Variants in FADS3 observed in about 807,000 individuals in gnomAD.
FADS3 encodes the protein fatty acid desaturase 3, also known as cytochrome b5-related protein.
In FADS3, 30 loss-of-function variants were observed where a neutral mutation model predicts 60.4. The ratio of observed to expected loss-of-function variants is 0.50; its 90% CI spans 0.37 to 0.67. The LOEUF (loss-of-function observed/expected upper bound fraction) is 0.67. Ranked by LOEUF, FADS3 falls within the 30% of genes least tolerant of loss-of-function variation. The pLI, the probability that FADS3 is intolerant of heterozygous loss-of-function variation, is 0.00. For synonymous variants in FADS3, 234 were observed against 249.3 expected (o/e 0.94, Z 0.58); for missense variants, 432 against 598.3 (o/e 0.72, Z 2.90).
At position 61,876,279 on chromosome 11, in the gene FADS3, G is replaced by A. The variant is rs1288179780; in HGVS notation, c.1080+80C>T. ...TCCCCCACCTGGCAGCCCCGTCAGG[G>A]CCTCATCCCTGCTTTGCCATCTGGC... On this transcript the variant is annotated intron_variant, in intron 9 of 11. Coordinates refer to ENST00000278829, the MANE Select transcript of FADS3 (RefSeq NM_021727.5). The surrounding 1 kb of genome is among the most constrained non-coding windows in gnomAD (Gnocchi z 5.7). The A allele has an allele frequency of 7.6e-6, 12 of 1,581,796 alleles. No individual in the cohort carries two copies. The highest frequency in any genetic ancestry group is 8.6e-6 in the Non-Finnish European group (10 of 1,159,522).
At position 61,878,377 on chromosome 11, in the gene FADS3, C is replaced by A. The variant is rs188983760; in HGVS notation, c.747+135G>T. The A allele has an allele frequency of 3.3e-3, 4,725 of 1,415,400 alleles. 12 individuals are homozygous for A. The highest frequency in any genetic ancestry group is 4.2e-3 in the Non-Finnish European group (4,323 of 1,022,342). 87.7% of individuals were successfully genotyped at this position (1,415,400 alleles called of 1,614,324 possible). A position where few individuals can be genotyped will look rare whatever the true frequency, so the allele number is the denominator to read the frequency against. On this transcript the variant is annotated intron_variant, in intron 5 of 11. Coordinates refer to ENST00000278829, the MANE Select transcript of FADS3 (RefSeq NM_021727.5). The stretch of plus-strand genomic sequence containing the variant: ...GGTTGGGAGGTGGGAAGGAAAGACA[C>A]GGGGGCAGAGCTTGGCCCAGCCAGA...
chr11:61,875,391 T>G (rs796592712), intron 11 of FADS3, among the ~76,000 whole-genome samples: 18,128 of 141,380 alleles, frequency 0.13, 2,186 homozygotes, highest in East Asian at 0.32. Context: ...TTTTTTTTTT[T>G]TTTTTTTTTT....
chr11:61,873,970 C>A, intron 11 of FADS3, 105 bp from the exon 12 acceptor site: 1 of 713,252 alleles, frequency 1.4e-6, no homozygotes, highest in Non-Finnish European at 2.4e-6. Flanking sequence ...TCCCCATTCC[C>A]TGTGGGTTCC....
intron 1 of FADS3, among the ~76,000 whole-genome samples, chr11:61,883,729 C>T (rs1938215661): frequency 6.6e-6 from 1 of 152,228 alleles, no homozygotes; most frequent in Non-Finnish European, 1.5e-5. Context: ...CCAGATTGGT[C>T]TCCTCGCCTC....
chr11:61,877,390 G>A lies in FADS3; in HGVS notation c.885+121C>T. ...GCCACACTGTTGCACGCATACATGT[G>A]AGCCACACTGTTGCACGCACATGTG... On this transcript the variant is annotated intron_variant, in intron 7 of 11. Transcript: ENST00000278829. This position sits in a 1 kb window ranked among gnomAD's most constrained non-coding sequence, Gnocchi z 4.7. 1 of 892,938 alleles carries A rather than the reference G, an allele frequency of 1.1e-6. No individual in the cohort carries two copies. 55.3% of individuals were successfully genotyped at this position (892,938 alleles called of 1,614,324 possible).
Position 61,877,008 on chromosome 11 carries a change from C to T in FADS3, c.886-45G>A, listed in dbSNP as rs974425416. The T allele has an allele frequency of 4.2e-6, 6 of 1,437,934 alleles. No individual in the cohort carries two copies. Among genetic ancestry groups the T allele is most frequent in the African/African-American group, 2.8e-5 (2 of 70,586 alleles). 89.1% of individuals were successfully genotyped at this position (1,437,934 alleles called of 1,614,324 possible). ...CGATACCGAGAGGTCTCCAGGTGCC[C>T]GGAGGTCTGGAGGCCTGGTGGGTGG... On this transcript the variant is annotated intron_variant, in intron 7 of 11. Coordinates refer to ENST00000278829, the MANE Select transcript of FADS3 (RefSeq NM_021727.5). This position sits in a 1 kb window ranked among gnomAD's most constrained non-coding sequence, Gnocchi z 4.7.
chr11:61,891,223 C>A lies in FADS3; in HGVS notation c.159G>T (p.Gln53His). Residue 53 changes from glutamine (Q) to histidine (H), a missense_variant, in exon 1 of 12, where the codon CAG (glutamine) becomes CAT (histidine). Coordinates refer to ENST00000278829, the MANE Select transcript of FADS3 (RefSeq NM_021727.5). The stretch of plus-strand genomic sequence containing the variant: ...TGAGGCGGCTGCCCCCTGGGTGCCG[C>A]TGTGCCCAGCGGCTGATGTCGTAGA... Reference protein sequence around the residue: ...RRVYDISRWAQRHPGGSRLIG... With the variant: ...RRVYDISRWAHRHPGGSRLIG... The A allele has an allele frequency of 1.3e-6, 2 of 1,554,194 alleles. No homozygotes were observed. The highest frequency in any genetic ancestry group is 1.7e-6 in the Non-Finnish European group (2 of 1,150,542).
At chr11:61,878,023 A>G (rs1591192439) in intron 6 of FADS3, 132 bp downstream of exon 6, 11 of 781,126 alleles carry the variant, frequency 1.4e-5, no homozygotes, top group Non-Finnish European at 2.2e-6. Flanking sequence ...AGAGGCTGGG[A>G]GGATGCCATG....
At chr11:61,878,344 C>T in intron 5 of FADS3, 129 bp from the exon 6 acceptor site, 1 of 1,360,972 alleles carries the variant, frequency 7.3e-7, no homozygotes, top group Admixed American at 1.8e-5. Context: ...GGCTGGTCGT[C>T]CCCAGCAGGT....
intron 1 of FADS3, among the ~76,000 whole-genome samples, chr11:61,887,748 TC>T (rs1219788280): frequency 6.6e-6 from 1 of 152,194 alleles, no homozygotes; most frequent in African/African-American, 2.4e-5. Flanking sequence ...GAGAAGATGC[TC>T]ACTGATGGAT....
chr11:61,891,278 C>G lies in FADS3; in HGVS notation c.104G>C (p.Gly35Ala). ...WEQIRAHDQPGDKWLVIERRV... is the reference protein window; with the variant it reads ...WEQIRAHDQPADKWLVIERRV... ...GCGCTCGATGACCAGCCACTTGTCG[C>G]CGGGCTGGTCGTGCGCGCGGATCTG... Residue 35 changes from glycine to alanine, a missense_variant, in exon 1 of 12, where the codon GGC becomes GCC. Gly to Ala is a moderately conservative substitution (Grantham distance 60, BLOSUM62 0). Around this residue, in one of 5 missense-constraint regions of FADS3, gnomAD observed 167 missense variants for 188.8 expected, o/e 0.88. Transcript: ENST00000278829. The G allele has an allele frequency of 2.0e-6, 3 of 1,537,776 alleles. No individual in the cohort carries two copies. The Admixed American group carries it at 5.9e-5, about 30-fold the overall frequency.
In FADS3 at chr11:61,879,516, T is replaced by C. The variant is rs754864137; in HGVS notation, c.325-7A>G. ...AGTCCTCGACCAGCTGCGCCTGCCA[T>C]AGCAGAGGGGCCGATCAGCCAAGGA... On this transcript the variant is annotated splice_region_variant and splice_polypyrimidine_tract_variant and intron_variant, in intron 2 of 11. Coordinates refer to ENST00000278829, the MANE Select transcript of FADS3 (RefSeq NM_021727.5). 6 of 1,589,064 alleles carry C rather than the reference T, an allele frequency of 3.8e-6. No individual in the cohort carries two copies. The highest frequency in any genetic ancestry group is 4.3e-6 in the Non-Finnish European group (5 of 1,169,468).
chr11:61,878,850 G>A lies in FADS3; in HGVS notation c.523-3C>T. The A allele has an allele frequency of 3.7e-6, 6 of 1,613,480 alleles. No homozygotes were observed. The highest frequency in any genetic ancestry group is 5.1e-6 in the Non-Finnish European group (6 of 1,179,562). ...TGCTGCAGACACCAGGACTGAGCCT[G>A]GGGAGAGAGGCAGGGTCAGAAGCTG... On this transcript the variant is annotated splice_region_variant and splice_polypyrimidine_tract_variant and intron_variant, in intron 3 of 11. Transcript: ENST00000278829.
chr11:61,875,713 G>T, intron 11 of FADS3, 138 bp downstream of exon 11: 1 of 1,036,570 alleles, frequency 9.6e-7, no homozygotes, highest in East Asian at 2.5e-5. Context: ...CGTGAAGGCT[G>T]GGGAAGGGAG....
Position 61,891,291 on chromosome 11 carries a change from G to C in FADS3, c.91C>G (p.His31Asp), listed in dbSNP as rs1387826431. The C allele has an allele frequency of 6.5e-7, 1 of 1,535,690 alleles. No homozygotes were observed. Among genetic ancestry groups the C allele is most frequent in the African/African-American group, 1.4e-5 (1 of 72,934 alleles). ...AGCCACTTGTCGCCGGGCTGGTCGTGCGCGCGGATCTGCTCCCAGCAGAAG... is the reference window on the plus strand; with the variant it reads ...AGCCACTTGTCGCCGGGCTGGTCGTCCGCGCGGATCTGCTCCCAGCAGAAG... The part of the protein sequence containing the change: ...PTFCWEQIRA[H>D]DQPGDKWLVI... Residue 31 changes from histidine (H) to aspartate (D), a missense_variant, in exon 1 of 12, where the codon CAC (histidine) becomes GAC (aspartate). By Grantham distance (81) the His-to-Asp change is moderately conservative. Transcript: ENST00000278829.
In FADS3 at chr11:61,891,325, C is replaced by T. The variant is rs779152608; in HGVS notation, c.57G>A (p.Pro19=). ...TCTGCTCCCAGCAGAAGGTGGGCAGCGGCGCCCCCGGCTGCGCGGGTCCCT... is the reference window on the plus strand; with the variant it reads ...TCTGCTCCCAGCAGAAGGTGGGCAGTGGCGCCCCCGGCTGCGCGGGTCCCT... ...PREGPAQPGA[P]LPTFCWEQIR... is the part of the protein sequence containing the mutation. The change falls in exon 1 of 12, where the codon CCG becomes CCA. Residue 19 remains proline, a synonymous_variant. Transcript: ENST00000278829. 6.6e-7 allele frequency: 1 copy of T among 1,520,064 alleles called. No homozygotes were observed. The highest frequency in any genetic ancestry group is 8.8e-7 in the Non-Finnish European group (1 of 1,137,760). The allele number at this position is 1,520,064 out of a possible 1,614,324, so 94.2% of individuals were successfully genotyped here. A position where few individuals can be genotyped will look rare whatever the true frequency, so the allele number is the denominator to read the frequency against.
At position 61,878,795 on chromosome 11, in the gene FADS3, T is replaced by C. The variant is rs1938014940; in HGVS notation, c.575A>G (p.Lys192Arg). ...HDLGHASIFK[K>R]SWWNHVAQKF... Reference sequence around the variant, plus strand: ...CTGGGCCACGTGGTTCCACCAGGACTTCTTGAAGATGGAGGCATGGCCCAG... The same window carrying C: ...CTGGGCCACGTGGTTCCACCAGGACCTCTTGAAGATGGAGGCATGGCCCAG... The change falls in exon 4 of 12, where the codon AAG (lysine) becomes AGG (arginine). Residue 192 changes from lysine (K) to arginine (R), a missense_variant. Lys to Arg is a conservative substitution (Grantham distance 26). Transcript: ENST00000278829. 1 of 1,614,074 alleles carries C rather than the reference T, an allele frequency of 6.2e-7. No individual in the cohort carries two copies. The highest frequency in any genetic ancestry group is 8.5e-7 in the Non-Finnish European group (1 of 1,180,034).
At chr11:61,874,785 C>T (rs897406951) in intron 11 of FADS3, among the ~76,000 whole-genome samples, 15 of 152,312 alleles carry the variant, frequency 9.8e-5, no homozygotes, top group South Asian at 8.3e-4. Flanking sequence ...ACCCTACCAC[C>T]TATTTAGAAA....
rs573745644 is a variant in FADS3, at chr11:61,877,291, C to G, written c.885+220G>C. On this transcript the variant is annotated intron_variant, in intron 7 of 11. Coordinates refer to ENST00000278829, the MANE Select transcript of FADS3 (RefSeq NM_021727.5). This position sits in a 1 kb window ranked among gnomAD's most constrained non-coding sequence, Gnocchi z 4.7. Reference sequence around the variant, plus strand: ...TCACCGAGAGAGACCCACACCCCCCCTGTTCCTCAACCCCCCCCCACCACA... The same window carrying G: ...TCACCGAGAGAGACCCACACCCCCCGTGTTCCTCAACCCCCCCCCACCACA... The G allele has an allele frequency of 7.3e-6, 2 of 274,014 alleles. No homozygotes were observed. Among genetic ancestry groups the G allele is most frequent in the African/African-American group, 2.6e-5 (1 of 37,820 alleles). The allele number at this position is 274,014 out of a possible 1,614,324, so 17.0% of individuals were successfully genotyped here.
Sources: gnomAD v4.1 joint callset for allele counts (sites outside exome capture counted in the v4.1 genomes callset) on GRCh38, gnomAD v4.1.1 for gene constraint, gnomAD v4.1.1 regional missense constraint, Gnocchi (gnomAD v3.1) non-coding constraint, MANE v1.5 for transcripts, NCBI Gene and HGNC (gene_info 2026-07-23, HGNC 2026-07-21) for gene names.